Variants in FGF12 observed in about 807,000 individuals in gnomAD.
The protein encoded by FGF12 is fibroblast growth factor 12B.
FGF12 carries 14 observed loss-of-function variants against 23.6 expected under a neutral mutation model. That is an observed-to-expected ratio of 0.59 (90% CI 0.39 to 0.93). FGF12 has a LOEUF of 0.93. Among genes scored for constraint, FGF12 ranks in the 40% least tolerant of loss-of-function variants. The pLI, the probability that FGF12 is intolerant of heterozygous loss-of-function variation, is 0.00. For synonymous variants in FGF12, 62 were observed against 77.3 expected, an observed-to-expected ratio of 0.80 and a Z score of 1.04; for missense variants, 175 against 217.8, an observed-to-expected ratio of 0.80 and a Z score of 1.24.
At chr3:192,711,655 C>G (rs1410220491) in intron 2 of FGF12, among the ~76,000 whole-genome samples, 2 of 152,098 alleles carry the variant, frequency 1.3e-5, no homozygotes, top group Non-Finnish European at 2.9e-5. Context: ...CCCCCCAACC[C>G]GGTGCTCTCT....
chr3:192,191,766 G>T (rs1015200409), intron 4 of FGF12, among the ~76,000 whole-genome samples: 3 of 151,962 alleles, frequency 2.0e-5, no homozygotes, highest in African/African-American at 7.3e-5. Flanking sequence ...AACCCGGGAG[G>T]TGGAGCTTGC....
intron 4 of FGF12, among the ~76,000 whole-genome samples, chr3:192,317,908 T>C (rs1716314519): frequency 6.6e-6 from 1 of 152,000 alleles, no homozygotes; most frequent in African/African-American, 2.4e-5. Context: ...TGCATTTGCT[T>C]GGGGAAAAGT....
At chr3:192,226,064 A>T (rs182284346) in intron 4 of FGF12, among the ~76,000 whole-genome samples, 1 of 152,220 alleles carries the variant, frequency 6.6e-6, no homozygotes, top group East Asian at 1.9e-4. Flanking sequence ...ATATGTTAAA[A>T]CACACTGAAG....
At chr3:192,196,539 A>G (rs1717077718) in intron 4 of FGF12, among the ~76,000 whole-genome samples, 1 of 150,976 alleles carries the variant, frequency 6.6e-6, no homozygotes, top group Admixed American at 6.6e-5. Context: ...AGAGCTTTTT[A>G]ATTGCCTGGG....
intron 2 of FGF12, among the ~76,000 whole-genome samples, chr3:192,446,118 C>T (rs574240357): frequency 1.6e-4 from 24 of 152,270 alleles, no homozygotes; most frequent in African/African-American, 5.5e-4. Context: ...GAATTCATGC[C>T]TGTCATTTGA....
At chr3:192,219,267 T>C (rs1718353819) in intron 4 of FGF12, among the ~76,000 whole-genome samples, 2 of 152,006 alleles carry the variant, frequency 1.3e-5, no homozygotes, top group African/African-American at 2.4e-5. Context: ...TTATTTTTAG[T>C]AGAGATGGGT....
At chr3:192,613,301 T>C (rs1425018753) in intron 2 of FGF12, among the ~76,000 whole-genome samples, 3 of 151,858 alleles carry the variant, frequency 2.0e-5, no homozygotes, top group African/African-American at 7.2e-5. Flanking sequence ...TTTATGAGCA[T>C]TTTTATAGGA....
chr3:192,287,342 G>A lies in FGF12; in HGVS notation c.228+48019C>T, dbSNP rs182273270. On this transcript the variant is annotated intron_variant, in intron 4 of 5. Transcript: ENST00000445105. The stretch of plus-strand genomic sequence containing the variant: ...ATTGTCTCTCCAAGTAAATCAGGGA[G>A]GAACCGTGTCTTGTACTTTCTTTGT... 8.9e-4 allele frequency among the ~76,000 whole-genome samples: 135 copies of A among 152,146 alleles called. 1 individual carries two copies. Among genetic ancestry groups the A allele is most frequent in the East Asian group, 1.4e-3 (7 of 5,168 alleles).
intron 2 of FGF12, among the ~76,000 whole-genome samples, chr3:192,653,655 A>T (rs1037202755): frequency 2.0e-5 from 3 of 152,106 alleles, no homozygotes; most frequent in African/African-American, 4.8e-5. Context: ...AATACAACAG[A>T]TCAAATTTTC....
intron 2 of FGF12, among the ~76,000 whole-genome samples, chr3:192,701,229 T>C (rs1193009625): frequency 1.3e-5 from 2 of 152,216 alleles, no homozygotes; most frequent in African/African-American, 4.8e-5. Flanking sequence ...TGAATCTACC[T>C]ATGACCTGGG....
intron 2 of FGF12, among the ~76,000 whole-genome samples, chr3:192,416,214 A>T (rs1465368402): frequency 6.6e-6 from 1 of 152,156 alleles, no homozygotes; most frequent in Non-Finnish European, 1.5e-5. Context: ...GAGATAACTG[A>T]AATATACTAA....
intron 2 of FGF12, among the ~76,000 whole-genome samples, chr3:192,587,660 A>T (rs1713426398): frequency 6.6e-6 from 1 of 151,612 alleles, no homozygotes; most frequent in African/African-American, 2.4e-5. Flanking sequence ...TGTATTTTTA[A>T]TTTTTTAAAA....
At chr3:192,605,576 A>C (rs1189752817) in intron 2 of FGF12, among the ~76,000 whole-genome samples, 3 of 152,178 alleles carry the variant, frequency 2.0e-5, no homozygotes, top group African/African-American at 7.2e-5. Context: ...AAAGGGAGAA[A>C]ATATTCACAA....
At chr3:192,473,261 T>C (rs1322946321) in intron 2 of FGF12, among the ~76,000 whole-genome samples, 1 of 152,328 alleles carries the variant, frequency 6.6e-6, no homozygotes, top group East Asian at 1.9e-4. Context: ...AAGTTTGACC[T>C]AACCTTCAGA....
chr3:192,645,767 TAAAAAAAAAAAAA>T (rs55809400), intron 2 of FGF12, among the ~76,000 whole-genome samples: 4 of 71,066 alleles, frequency 5.6e-5, no homozygotes, highest in African/African-American at 1.5e-4. Context: ...ACAAAACAGG[TAAAAAAAAAAAAA>T]AAAAAAAAAA....
At chr3:192,398,763 T>C (rs1720634446) in intron 2 of FGF12, among the ~76,000 whole-genome samples, 1 of 152,082 alleles carries the variant, frequency 6.6e-6, no homozygotes, top group Non-Finnish European at 1.5e-5. Context: ...GAAAAGTAGA[T>C]TAGGAAAAAC....
chr3:192,343,754 ATTAATAT>A (rs931563321), intron 3 of FGF12, among the ~76,000 whole-genome samples: 15 of 152,164 alleles, frequency 9.9e-5, no homozygotes, highest in African/African-American at 3.6e-4. Flanking sequence ...CACAGTGCTT[ATTAATAT>A]TTATATGTTT....
chr3:192,473,736 G>A (rs926043146), intron 2 of FGF12, among the ~76,000 whole-genome samples: 7 of 152,132 alleles, frequency 4.6e-5, no homozygotes, highest in African/African-American at 1.4e-4. Flanking sequence ...TTGATTCTGC[G>A]CTTGGCCACC....
chr3:192,361,146 T>C (rs980385638), intron 2 of FGF12, among the ~76,000 whole-genome samples: 1 of 131,340 alleles, frequency 7.6e-6, no homozygotes, highest in African/African-American at 3.1e-5. Flanking sequence ...AGCCTCAGTG[T>C]TCCAAAGTTC....
Sources: allele counts gnomAD v4.1 joint callset (sites outside exome capture counted in the v4.1 genomes callset), GRCh38; gene constraint gnomAD v4.1.1; transcripts MANE v1.5; gene names NCBI Gene and HGNC (gene_info 2026-07-23, HGNC 2026-07-21).